CCNG2: variants seen among roughly 807,000 people sequenced by gnomAD.
CCNG2 encodes cyclin G2.
CCNG2 carries 20 observed loss-of-function variants against 36.5 expected under a neutral mutation model. The observed-to-expected ratio is 0.55, with a 90% CI of 0.39 to 0.80. The LOEUF (loss-of-function observed/expected upper bound fraction) is 0.80, where lower values mean the gene tolerates loss of function less well. CCNG2 is among the 30% of genes least tolerant of loss of function. CCNG2 has a pLI of 0.00. For missense variants in CCNG2, 358 were observed against 390.8 expected (o/e 0.92, Z 0.71); for synonymous variants, 155 against 140.1 (o/e 1.11, Z -0.75).
Position 77,166,142 on chromosome 4 carries a change from A to G in CCNG2, c.*218A>G, listed in dbSNP as rs549177951. 6 of 343,994 alleles carry G rather than the reference A, an allele frequency of 1.7e-5. No homozygotes were observed. The South Asian group carries it at 6.5e-4, about 38-fold the overall frequency. The allele number at this position is 343,994 out of a possible 1,614,324, so 21.3% of individuals were successfully genotyped here. A position where few individuals can be genotyped will look rare whatever the true frequency, so the allele number is the denominator to read the frequency against. The stretch of plus-strand genomic sequence containing the variant: ...TTAAACCATTAACAGTACTTTAGAC[A>G]TTGGCACTTTATTTTTCTCGTAGAT... On this transcript the variant is annotated 3_prime_UTR_variant, in exon 8 of 8. Coordinates refer to ENST00000316355, the MANE Select transcript of CCNG2 (RefSeq NM_004354.3).
chr4:77,158,781 G>T lies in CCNG2; in HGVS notation c.138+111G>T, dbSNP rs535933836. 172 of 1,108,916 alleles carry T rather than the reference G, an allele frequency of 1.6e-4. 1 individual carries two copies. The South Asian group carries it at 2.6e-3, about 17-fold the overall frequency. The allele number at this position is 1,108,916 out of a possible 1,614,324, so 68.7% of individuals were successfully genotyped here. On this transcript the variant is annotated intron_variant, in intron 2 of 7. Transcript: ENST00000316355. ...AAGCCTGCAAAATTTCTTAAAAGTT[G>T]TTCTTTCTGGAGTACCAAGATAAAC...
chr4:77,158,129 CT>C (rs569949222), intron 1 of CCNG2, among the ~76,000 whole-genome samples: 1 of 152,100 alleles, frequency 6.6e-6, no homozygotes, highest in South Asian at 2.1e-4. Flanking sequence ...CCCCTCCCCC[CT>C]ATTGTGCAAC....
At position 77,169,477 on chromosome 4, in the gene CCNG2, T is replaced by A. The variant is rs1731714559; in HGVS notation, c.*3553T>A. The stretch of plus-strand genomic sequence containing the variant: ...CAGTCTTTCCATCCCTGTGCCTACA[T>A]GCTGCTCTTCCCGTCCACAAGTGGA... On this transcript the variant is annotated 3_prime_UTR_variant, in exon 8 of 8. Coordinates refer to ENST00000316355, the MANE Select transcript of CCNG2 (RefSeq NM_004354.3). 6.6e-6 allele frequency: 1 copy of A among 152,276 alleles called. No homozygotes were observed. The highest frequency in any genetic ancestry group is 2.4e-5 in the African/African-American group (1 of 41,470). The allele number at this position is 152,276 out of a possible 1,614,324, so 9.4% of individuals were successfully genotyped here.
At chr4:77,163,441 G>C (rs1044036076) in intron 6 of CCNG2, among the ~76,000 whole-genome samples, 1 of 152,204 alleles carries the variant, frequency 6.6e-6, no homozygotes, top group Non-Finnish European at 1.5e-5. Flanking sequence ...GATTACAAGT[G>C]GGTTAGGATG....
Position 77,160,755 on chromosome 4 carries a change from G to C in CCNG2, c.311G>C (p.Cys104Ser), listed in dbSNP as rs765629257. 1.2e-6 allele frequency: 2 copies of C among 1,613,964 alleles called. No homozygotes were observed. Among genetic ancestry groups the C allele is most frequent in the South Asian group, 2.2e-5 (2 of 91,056 alleles). ...AAACATTTGTCTTGCATTGGAGTCT[G>C]TTCTTTTTTGCTGGCTGCTAGAATA... Reference protein sequence around the residue: ...KPKHLSCIGVCSFLLAARIVE... With the variant: ...KPKHLSCIGVSSFLLAARIVE... The change falls in exon 4 of 8, where the codon TGT becomes TCT. Residue 104 changes from cysteine to serine, a missense_variant. Coordinates refer to ENST00000316355, the MANE Select transcript of CCNG2 (RefSeq NM_004354.3).
chr4:77,160,889 T>C lies in CCNG2; in HGVS notation c.445T>C (p.Leu149=), dbSNP rs146074949. 5 of 1,613,142 alleles carry C rather than the reference T, an allele frequency of 3.1e-6. No homozygotes were observed. Among genetic ancestry groups the C allele is most frequent in the African/African-American group, 1.3e-5 (1 of 75,002 alleles). ...KRMEKIISEK[L]HYELEATTAL... is the part of the protein sequence containing the mutation. ...GATGGAAAAAATAATTTCAGAAAAA[T>C]TGCACTATGAATTGGAAGCTACTAC... Residue 149 remains leucine, a synonymous_variant, in exon 4 of 8, where the codon TTG becomes CTG. Coordinates refer to ENST00000316355, the MANE Select transcript of CCNG2 (RefSeq NM_004354.3).
At chr4:77,159,679 G>A (rs905374517) in intron 3 of CCNG2, among the ~76,000 whole-genome samples, 175 bp downstream of exon 3, 1 of 152,154 alleles carries the variant, frequency 6.6e-6, no homozygotes, top group African/African-American at 2.4e-5. Context: ...TTGTATTGTT[G>A]TATCTTAGGT....
At chr4:77,161,099 C>CTTTTTTTTTTTTTTTTTTTTTTTTTT (rs34505988) in intron 4 of CCNG2, 128 bp downstream of exon 4, 2 of 274,600 alleles carry the variant, frequency 7.3e-6, no homozygotes, top group African/African-American at 6.3e-5. Context: ...ATTGGTAAAT[C>CTTTTTTTTTTTTTTTTTTTTTTTTTT]TTTTTTTTTT....
chr4:77,165,499 A>C (rs1008744941), intron 7 of CCNG2, among the ~76,000 whole-genome samples: 1 of 149,040 alleles, frequency 6.7e-6, no homozygotes, highest in Non-Finnish European at 1.5e-5. Context: ...TAGAGATGGG[A>C]TTTTGCCATG....
rs767932428 is a variant in CCNG2 at position 77,158,643 on chromosome 4, G to A, written c.111G>A (p.Gly37=). ...QEERFQPREK[G]LSLIEATPEN... is the part of the protein sequence containing the mutation. ...AGAGATTCCAACCTCGAGAAAAAGGGCTGAGTTTGATTGAGGCTACCCCGG... is the reference window on the plus strand; with the variant it reads ...AGAGATTCCAACCTCGAGAAAAAGGACTGAGTTTGATTGAGGCTACCCCGG... Residue 37 remains glycine (G), a synonymous_variant, in exon 2 of 8, where the codon GGG becomes GGA. Transcript: ENST00000316355. 1.2e-6 allele frequency: 2 copies of A among 1,614,028 alleles called. No homozygotes were observed. The highest frequency in any genetic ancestry group is 2.7e-5 in the African/African-American group (2 of 74,896).
At chr4:77,158,847 G>C (rs1442290511) in intron 2 of CCNG2, among the ~76,000 whole-genome samples, 177 bp downstream of exon 2, 1 of 152,160 alleles carries the variant, frequency 6.6e-6, no homozygotes, top group African/African-American at 2.4e-5. Flanking sequence ...GCAAGAATGA[G>C]AGTGATACTT....
chr4:77,159,266 C>G, intron 2 of CCNG2, 101 bp from the exon 3 acceptor site: 1 of 1,119,252 alleles, frequency 8.9e-7, no homozygotes, highest in Non-Finnish European at 1.3e-6. Context: ...AAAAATTAAC[C>G]TTATTCTTGG....
chr4:77,162,333 T>C (rs1731461429), intron 6 of CCNG2, among the ~76,000 whole-genome samples: 1 of 151,770 alleles, frequency 6.6e-6, no homozygotes, highest in Admixed American at 6.6e-5. Flanking sequence ...TTTGTTATTG[T>C]GTCTTGGTGC....
chr4:77,165,634 T>G (rs1477853641), intron 7 of CCNG2, among the ~76,000 whole-genome samples, 167 bp from the exon 8 acceptor site: 1 of 152,182 alleles, frequency 6.6e-6, no homozygotes, highest in Non-Finnish European at 1.5e-5. Flanking sequence ...CCAATGAGAT[T>G]ACTATAGACT....
In CCNG2 at chr4:77,164,425, GTGTTCC is replaced by G. The variant is rs1332269674; in HGVS notation, c.860_865del (p.Val287_Pro288del). 6.2e-7 allele frequency: 1 copy of G among 1,613,986 alleles called. No individual in the cohort carries two copies. Among genetic ancestry groups the G allele is most frequent in the African/African-American group, 1.3e-5 (1 of 74,888 alleles). On this transcript the variant is annotated inframe_deletion, in exon 7 of 8. Transcript: ENST00000316355. ...CAGAACCTCCACAACAGCTACTATA[GTGTTCC>G]TGAGCTGCCAACGATACCTGAGGGG...
chr4:77,164,524 T>A (rs779753166), intron 7 of CCNG2, 45 bp downstream of exon 7: 1 of 1,391,686 alleles, frequency 7.2e-7, no homozygotes, highest in Non-Finnish European at 1.0e-6. Flanking sequence ...GACTAAATAT[T>A]ACTGAGTTTA....
Position 77,166,212 on chromosome 4 carries a change from T to C in CCNG2, c.*288T>C. 1 of 206,904 alleles carries C rather than the reference T, an allele frequency of 4.8e-6. No individual in the cohort carries two copies. Among genetic ancestry groups the C allele is most frequent in the East Asian group, 1.1e-4 (1 of 8,958 alleles). 12.8% of individuals were successfully genotyped at this position (206,904 alleles called of 1,614,324 possible). On this transcript the variant is annotated 3_prime_UTR_variant, in exon 8 of 8. Coordinates refer to ENST00000316355, the MANE Select transcript of CCNG2 (RefSeq NM_004354.3). ...GAGGGAAGGTGCTGATACCTTCAAT[T>C]TGTTACTTTTCAAGATTTTTAAAAA...
Position 77,164,266 on chromosome 4 carries a change from T to G in CCNG2, c.706-8T>G. 6.2e-7 allele frequency: 1 copy of G among 1,609,162 alleles called. No homozygotes were observed. Among genetic ancestry groups the G allele is most frequent in the Non-Finnish European group, 8.5e-7 (1 of 1,175,714 alleles). ...TTGCCGTAACCTCTTAAAATATTTT[T>G]TTTTCAGATTAATGACACTGAGTTC... On this transcript the variant is annotated splice_polypyrimidine_tract_variant and splice_region_variant and intron_variant, in intron 6 of 7. Transcript: ENST00000316355.
intron 4 of CCNG2, 26 bp downstream of exon 4, chr4:77,160,997 G>C (rs1560422430): frequency 6.5e-7 from 1 of 1,530,214 alleles, no homozygotes; most frequent in African/African-American, 1.4e-5. Context: ...GATACATTTT[G>C]TACTTTGAAC....
Sources: gnomAD v4.1 joint callset for allele counts (sites outside exome capture counted in the v4.1 genomes callset) on GRCh38, gnomAD v4.1.1 for gene constraint, MANE v1.5 for transcripts, NCBI Gene and HGNC (gene_info 2026-07-23, HGNC 2026-07-21) for gene names.